The following WWOX variants were observed in gnomAD, a reference collection of about 807,000 sequenced individuals.
The protein encoded by WWOX is WW domain-containing oxidoreductase.
Under a neutral mutation model 46.2 loss-of-function variants are expected in WWOX, and 69 were observed. The ratio of observed to expected loss-of-function variants is 1.49; its 90% CI spans 1.23 to 1.82. The LOEUF (loss-of-function observed/expected upper bound fraction) is 1.82, where lower values mean the gene tolerates loss of function less well. WWOX is among the 40% of genes most tolerant of loss of function. The pLI is 0.00. For missense variants in WWOX, 919 were observed against 542.6 expected, an observed-to-expected ratio of 1.69 and a Z score of -6.89; for synonymous variants, 359 against 202.6, an observed-to-expected ratio of 1.77 and a Z score of -6.56.
intron 8 of WWOX, among the ~76,000 whole-genome samples, chr16:79,045,756 G>C (rs2150519716): frequency 7.0e-6 from 1 of 142,172 alleles, no homozygotes; most frequent in East Asian, 2.1e-4. Flanking sequence ...TCTCTCTGGA[G>C]CTCGTCTTTC....
At chr16:78,769,362 C>T (rs1454837469) in intron 8 of WWOX, among the ~76,000 whole-genome samples, 1 of 152,102 alleles carries the variant, frequency 6.6e-6, no homozygotes, top group Admixed American at 6.6e-5. Flanking sequence ...TGCTCCGCCC[C>T]CTCTCTTCCC....
chr16:79,084,349 A>G (rs1346671527), intron 8 of WWOX, among the ~76,000 whole-genome samples: 1 of 152,246 alleles, frequency 6.6e-6, no homozygotes, highest in African/African-American at 2.4e-5. Context: ...AGTCATAAGA[A>G]CAACAAATAA....
At chr16:78,234,234 G>T (rs1330251625) in intron 5 of WWOX, among the ~76,000 whole-genome samples, 1 of 151,888 alleles carries the variant, frequency 6.6e-6, no homozygotes, top group Non-Finnish European at 1.5e-5. Flanking sequence ...GAGGTATAAT[G>T]TTCAAAATGC....
At chr16:78,169,281 T>A (rs2035071349) in intron 5 of WWOX, among the ~76,000 whole-genome samples, 1 of 152,202 alleles carries the variant, frequency 6.6e-6, no homozygotes, top group Non-Finnish European at 1.5e-5. Flanking sequence ...CTCTTTTATT[T>A]AACAGCAGTG....
At chr16:78,881,117 A>G (rs1051666210) in intron 8 of WWOX, among the ~76,000 whole-genome samples, 1 of 150,192 alleles carries the variant, frequency 6.7e-6, no homozygotes, top group African/African-American at 2.5e-5. Context: ...TCAGCCTCCC[A>G]AGGGAGCTGG....
chr16:78,495,273 T>A (rs1445264849), intron 8 of WWOX, among the ~76,000 whole-genome samples: 3 of 151,652 alleles, frequency 2.0e-5, no homozygotes, highest in African/African-American at 7.3e-5. Context: ...TCTGAGTAGC[T>A]GGGATTACAG....
chr16:79,211,032 G>GGTGT (rs1555547718), intron 8 of WWOX, among the ~76,000 whole-genome samples: 1 of 30,442 alleles, frequency 3.3e-5, no homozygotes, highest in Non-Finnish European at 7.0e-5. Context: ...TGTATGGTGA[G>GGTGT]GAGTGTGTGT....
At chr16:78,516,066 T>G (rs1353264911) in intron 8 of WWOX, among the ~76,000 whole-genome samples, 3 of 152,124 alleles carry the variant, frequency 2.0e-5, no homozygotes, top group African/African-American at 7.2e-5. Flanking sequence ...GAGTAGCATG[T>G]GCTCATCCCA....
chr16:78,634,628 C>A (rs923542301), intron 8 of WWOX, among the ~76,000 whole-genome samples: 1 of 151,454 alleles, frequency 6.6e-6, no homozygotes, highest in Non-Finnish European at 1.5e-5. Context: ...ATCATTTGAA[C>A]CCAGGAGGCG....
intron 5 of WWOX, among the ~76,000 whole-genome samples, chr16:78,358,778 T>G (rs1597094475): frequency 6.6e-6 from 1 of 151,692 alleles, no homozygotes; most frequent in East Asian, 1.9e-4. Flanking sequence ...GTTCCTTGTG[T>G]CAGGAACAAT....
At chr16:79,153,395 A>G (rs2050319278) in intron 8 of WWOX, among the ~76,000 whole-genome samples, 2 of 152,130 alleles carry the variant, frequency 1.3e-5, no homozygotes, top group South Asian at 4.2e-4. Context: ...GTGGGTACTT[A>G]CTTAGGGAAC....
chr16:78,340,905 A>G (rs912108065), intron 5 of WWOX, among the ~76,000 whole-genome samples: 1 of 117,948 alleles, frequency 8.5e-6, no homozygotes, highest in African/African-American at 2.9e-5. Flanking sequence ...AACTTCTGTC[A>G]TTTTTCTGGA....
In WWOX at chr16:78,590,542, A is replaced by C. The variant is rs113175208; in HGVS notation, c.1056+157790A>C. Among the ~76,000 whole-genome samples, 62 of 152,368 alleles carry C rather than the reference A, an allele frequency of 4.1e-4. 2 individuals are homozygous for C. Among genetic ancestry groups the C allele is most frequent in the African/African-American group, 1.4e-3 (59 of 41,588 alleles). ...AGATTAGACAAGAAACATTGAAAAC[A>C]CAAAGTGTATTTCTTGATACTTGTT... On this transcript the variant is annotated intron_variant, in intron 8 of 8. Transcript: ENST00000566780.
chr16:78,902,570 C>T (rs1165914929), intron 8 of WWOX, among the ~76,000 whole-genome samples: 1 of 152,186 alleles, frequency 6.6e-6, no homozygotes, highest in Non-Finnish European at 1.5e-5. Flanking sequence ...CAAAGATATG[C>T]CCGAGTAGAA....
rs745335650 is a variant in WWOX at position 78,354,312 on chromosome 16, C to CTTTTTCTTT, written c.517-32543_517-32542insCTTTTTTTT. ...AGACAGTGTCTGCTGATGTGCTTAA[C>CTTTTTCTTT]TTTTTTTTTTTTTTGGTCAGGTGTG... On this transcript the variant is annotated intron_variant, in intron 5 of 8. Transcript: ENST00000566780. Among the ~76,000 whole-genome samples the CTTTTTCTTT allele has an allele frequency of 3.5e-4, 43 of 123,276 alleles. 1 individual carries two copies. Among genetic ancestry groups the CTTTTTCTTT allele is most frequent in the African/African-American group, 1.1e-3 (36 of 31,828 alleles). 80.9% of individuals were successfully genotyped at this position (123,276 alleles called of 152,430 possible). A position where few individuals can be genotyped will look rare whatever the true frequency, so the allele number is the denominator to read the frequency against.
chr16:78,842,430 ATG>A (rs1487196590), intron 8 of WWOX, among the ~76,000 whole-genome samples: 2 of 151,996 alleles, frequency 1.3e-5, no homozygotes, highest in Admixed American at 1.3e-4. Context: ...TTGAGGCTGG[ATG>A]TGTGTGGCTA....
intron 8 of WWOX, among the ~76,000 whole-genome samples, chr16:78,768,344 C>G (rs1488920791): frequency 6.8e-6 from 1 of 147,824 alleles, no homozygotes; most frequent in South Asian, 2.2e-4. Context: ...ACTCCCAGCA[C>G]TTTGGGAGGC....
chr16:78,467,249 A>G lies in WWOX; in HGVS notation c.1056+34497A>G, dbSNP rs73574951. On this transcript the variant is annotated intron_variant, in intron 8 of 8. Transcript: ENST00000566780. ...TCTGGCAGAGGGCTTTTTTCTGATC[A>G]CCACCCATGTTAATTAGATATGCAT... Among the ~76,000 whole-genome samples the G allele has an allele frequency of 1.4e-3, 210 of 152,276 alleles. 1 individual carries two copies. Among genetic ancestry groups the G allele is most frequent in the African/African-American group, 4.8e-3 (201 of 41,552 alleles).
At chr16:78,862,106 A>G (rs1273223120) in intron 8 of WWOX, among the ~76,000 whole-genome samples, 1 of 137,212 alleles carries the variant, frequency 7.3e-6, no homozygotes, top group Non-Finnish European at 1.7e-5. Context: ...CTGTATCTAT[A>G]CACACACCTA....
Sources: gnomAD v4.1 joint callset for allele counts (sites outside exome capture counted in the v4.1 genomes callset) on GRCh38, gnomAD v4.1.1 for gene constraint, MANE v1.5 for transcripts, NCBI Gene and HGNC (gene_info 2026-07-23, HGNC 2026-07-21) for gene names.